The following NAA11 variants were observed in gnomAD, a reference collection of about 807,000 sequenced individuals.
The protein encoded by NAA11 is N-alpha-acetyltransferase 11.
A neutral mutation model predicts 16.1 loss-of-function variants in NAA11; 15 were observed. The ratio of observed to expected loss-of-function variants is 0.93; its 90% CI spans 0.62 to 1.44. The LOEUF (loss-of-function observed/expected upper bound fraction) is 1.44, where lower values mean the gene tolerates loss of function less well. Ranked by LOEUF, NAA11 falls within the 40% of genes most tolerant of loss-of-function variation. The pLI is 0.00. For missense variants in NAA11, 298 were observed against 291.3 expected, an observed-to-expected ratio of 1.02 and a Z score of -0.17; for synonymous variants, 122 against 112.4, an observed-to-expected ratio of 1.09 and a Z score of -0.54.
downstream of NAA11, among the ~76,000 whole-genome samples, chr4:79,223,738 A>C (rs1378294646): frequency 6.6e-6 from 1 of 151,856 alleles, no homozygotes; most frequent in African/African-American, 2.4e-5. Flanking sequence ...TTGTGCTCAA[A>C]AGTCACTTGA....
chr4:79,186,770 C>A, the NAA11 span, among the ~76,000 whole-genome samples: 1 of 151,946 alleles, frequency 6.6e-6, no homozygotes, highest in Non-Finnish European at 1.5e-5. Flanking sequence ...TGCTGAGTAC[C>A]AACGACAAGC....
chr4:79,299,306 A>T (rs1723320777), intron 1 of NAA11: 1 of 152,216 alleles, frequency 6.6e-6, no homozygotes, highest in African/African-American at 2.4e-5. Flanking sequence ...CTTATGCCCA[A>T]CCCTGAGTCC....
intron 2 of NAA11, among the ~76,000 whole-genome samples, chr4:79,227,056 G>A (rs1427271180): frequency 2.0e-5 from 3 of 152,094 alleles, no homozygotes; most frequent in Non-Finnish European, 4.4e-5. Flanking sequence ...CAGTGTAAAA[G>A]TGTTCCTATT....
chr4:79,284,098 T>C (rs1722856215), intron 2 of NAA11, among the ~76,000 whole-genome samples: 1 of 152,108 alleles, frequency 6.6e-6, no homozygotes, highest in Non-Finnish European at 1.5e-5. Flanking sequence ...GCTTTGTCTC[T>C]AAACCCAAAA....
chr4:79,163,113 C>T, the NAA11 span, among the ~76,000 whole-genome samples: 1 of 152,160 alleles, frequency 6.6e-6, no homozygotes, highest in Admixed American at 6.5e-5. Context: ...ATTTTCAGGA[C>T]ATCTGTGTTG....
intron 2 of NAA11, chr4:79,227,207 A>G (rs925888580): frequency 2.0e-5 from 3 of 151,658 alleles, no homozygotes; most frequent in Non-Finnish European, 3.0e-5. Flanking sequence ...TCATTTTACC[A>G]TCAGAGTGAA....
the NAA11 span, among the ~76,000 whole-genome samples, chr4:79,192,269 G>A: frequency 2.0e-5 from 3 of 151,586 alleles, no homozygotes; most frequent in Non-Finnish European, 2.9e-5. Flanking sequence ...GGGTACATGT[G>A]CACAATGTGC....
At chr4:79,308,524 A>G (rs1012209908) in intron 1 of NAA11, 1 of 152,326 alleles carries the variant, frequency 6.6e-6, no homozygotes, top group Non-Finnish European at 1.5e-5. Flanking sequence ...CAGCCATCCA[A>G]TAAAAATGAT....
Position 79,266,904 on chromosome 4 carries a change from C to T in NAA11, c.*122+27101G>A, listed in dbSNP as rs1043439693. Among the ~76,000 whole-genome samples, 7 of 152,230 alleles carry T rather than the reference C, an allele frequency of 4.6e-5. No homozygotes were observed. The East Asian group carries it at 7.7e-4, about 17-fold the overall frequency. ...TTCAATGAAGAATTTTTCCATTAAA[C>T]GAGTAAGGTCTTTTTAAATAACATA... On this transcript the variant is annotated intron_variant and NMD_transcript_variant, in intron 2 of 2. Transcript: ENST00000511542.
At chr4:79,248,026 C>T (rs947839004) in intron 2 of NAA11, among the ~76,000 whole-genome samples, 1 of 152,138 alleles carries the variant, frequency 6.6e-6, no homozygotes, top group Non-Finnish European at 1.5e-5. Context: ...CTTAGGGGAA[C>T]TATTGGACCT....
chr4:79,305,283 G>A (rs1723543235), intron 1 of NAA11: 1 of 152,246 alleles, frequency 6.6e-6, no homozygotes, highest in South Asian at 2.1e-4. Flanking sequence ...ACTTTACATA[G>A]ATCTTAAATA....
the NAA11 span, among the ~76,000 whole-genome samples, chr4:79,180,864 A>C: frequency 6.6e-6 from 1 of 152,218 alleles, no homozygotes; most frequent in African/African-American, 2.4e-5. Context: ...GATTAAGAAA[A>C]TGTGGCACAT....
At chr4:79,185,019 T>G in the NAA11 span, among the ~76,000 whole-genome samples, 23 of 152,322 alleles carry the variant, frequency 1.5e-4, no homozygotes, top group African/African-American at 5.5e-4. Flanking sequence ...ATAAAATTTA[T>G]TTTTAGAGTT....
downstream of NAA11, among the ~76,000 whole-genome samples, chr4:79,223,493 T>G (rs1446553674): frequency 1.8e-3 from 172 of 94,660 alleles, no homozygotes; most frequent in South Asian, 2.8e-3. Flanking sequence ...TGGGGACTGT[T>G]GTGGGGTGGG....
At chr4:79,204,925 GTA>G in the NAA11 span, among the ~76,000 whole-genome samples, 2 of 17,606 alleles carry the variant, frequency 1.1e-4, no homozygotes, top group African/African-American at 1.6e-4. Flanking sequence ...TCCATGGTGT[GTA>G]TACACACACA....
the NAA11 span, among the ~76,000 whole-genome samples, chr4:79,186,264 G>T: frequency 6.6e-6 from 1 of 152,126 alleles, no homozygotes; most frequent in Non-Finnish European, 1.5e-5. Context: ...GGCTATAATG[G>T]TAATGATATT....
chr4:79,159,431 A>T, the NAA11 span, among the ~76,000 whole-genome samples: 2 of 152,358 alleles, frequency 1.3e-5, no homozygotes, highest in Admixed American at 6.5e-5. Flanking sequence ...AAAATAAAAA[A>T]TAATAGAGTT....
rs112394830 is a variant in NAA11, at chr4:79,237,215, A to G, written c.*123-10945T>C. Among the ~76,000 whole-genome samples the G allele has an allele frequency of 7.9e-5, 12 of 152,308 alleles. 1 individual carries two copies. Among genetic ancestry groups the G allele is most frequent in the African/African-American group, 2.4e-4 (10 of 41,566 alleles). On this transcript the variant is annotated intron_variant and NMD_transcript_variant, in intron 2 of 2. Transcript: ENST00000511542. ...CATCTGATCAGCTATAGAGGTTACC[A>G]ACATGAGGTTTCTGGTGATTACAGC... is the stretch of plus-strand genomic sequence containing the variant.
At chr4:79,157,470 C>T in the NAA11 span, among the ~76,000 whole-genome samples, 2 of 151,558 alleles carry the variant, frequency 1.3e-5, no homozygotes, top group African/African-American at 2.4e-5. Context: ...CCATCATATA[C>T]ATATGATGGA....
Sources: allele counts gnomAD v4.1 joint callset (sites outside exome capture counted in the v4.1 genomes callset), GRCh38; gene constraint gnomAD v4.1.1; transcripts MANE v1.5; gene names NCBI Gene and HGNC (gene_info 2026-07-23, HGNC 2026-07-21).